Variants in CLPP observed in about 807,000 individuals in gnomAD.
CLPP encodes the protein ATP-dependent Clp protease proteolytic subunit, mitochondrial.
Under a neutral mutation model 27.4 loss-of-function variants are expected in CLPP, and 14 were observed. That is an observed-to-expected ratio of 0.51 (90% CI 0.34 to 0.80). The LOEUF is 0.80. Among genes scored for constraint, CLPP ranks in the 30% least tolerant of loss-of-function variants. CLPP has a pLI of 0.02. For synonymous variants in CLPP, 193 were observed against 166.6 expected, an observed-to-expected ratio of 1.16 and a Z score of -1.22; for missense variants, 361 against 403.6, an observed-to-expected ratio of 0.89 and a Z score of 0.90.
intron 2 of CLPP, 188 bp from the exon 3 acceptor site, chr19:6,362,258 T>C (rs1263849921): frequency 5.3e-6 from 3 of 563,250 alleles, no homozygotes; most frequent in Non-Finnish European, 9.4e-6. Flanking sequence ...CCCCCCTTCC[T>C]GTGCTCCAAA....
At chr19:6,361,802 G>T (rs572563487) in intron 1 of CLPP, 30 bp downstream of exon 1, 31 of 1,572,192 alleles carry the variant, frequency 2.0e-5, no homozygotes, top group Admixed American at 1.9e-4. Context: ...ACACGGTTCG[G>T]GGGCTCCGGG....
At chr19:6,363,105 T>C (rs1443259648) in intron 3 of CLPP, among the ~76,000 whole-genome samples, 4 of 150,666 alleles carry the variant, frequency 2.7e-5, no homozygotes, top group African/African-American at 9.9e-5. Context: ...CAATTTTGAT[T>C]GAGCACTTAT....
intron 4 of CLPP, 121 bp from the exon 5 acceptor site, chr19:6,366,137 A>G: frequency 1.6e-6 from 1 of 645,138 alleles, no homozygotes; most frequent in Non-Finnish European, 2.8e-6. Flanking sequence ...ACCCCAGCCC[A>G]CCAGCCTCAA....
rs150689749 is a variant in CLPP at position 6,362,496 on chromosome 19, A to G, written c.321A>G (p.Gln107=). The change falls in exon 3 of 6, where the codon CAA becomes CAG. Residue 107 remains glutamine, a synonymous_variant. Transcript: ENST00000245816. ...TTATCGCACAGCTCCTCTTCCTGCA[A>G]TCCGAGAGCAACAAGAAGCCCATCC... ...SLVIAQLLFL[Q]SESNKKPIHM... 25 of 1,613,896 alleles carry G rather than the reference A, an allele frequency of 1.5e-5. No homozygotes were observed. The highest frequency in any genetic ancestry group is 1.1e-4 in the African/African-American group (8 of 74,896).
chr19:6,361,940 G>T lies in CLPP; in HGVS notation c.270G>T (p.Pro90=). ...LRERIVCVMG[P]IDDSVASLVI... is the part of the protein sequence containing the mutation. ...AGCGCATCGTGTGCGTCATGGGCCC[G>T]GTGAGCGCCCCGCGCCGGGACCCTC... Residue 90 remains proline, a splice_region_variant and synonymous_variant, in exon 2 of 6, where the codon CCG becomes CCT. Transcript: ENST00000245816. 6.3e-7 allele frequency: 1 copy of T among 1,596,402 alleles called. No homozygotes were observed. Among genetic ancestry groups the T allele is most frequent in the South Asian group, 1.1e-5 (1 of 90,864 alleles).
intron 3 of CLPP, among the ~76,000 whole-genome samples, chr19:6,363,318 T>TGTTTCACCA (rs1021403909): frequency 2.0e-5 from 3 of 151,966 alleles, no homozygotes; most frequent in African/African-American, 7.2e-5. Context: ...GTAGAGATGA[T>TGTTTCACCA]GTTTCACCAT....
chr19:6,364,369 C>T (rs1334335349), intron 3 of CLPP, 83 bp from the exon 4 acceptor site: 4 of 1,336,484 alleles, frequency 3.0e-6, no homozygotes, highest in Non-Finnish European at 4.1e-6. Flanking sequence ...GCATCTGTTC[C>T]ACCCTCCCCA....
intron 5 of CLPP, among the ~76,000 whole-genome samples, chr19:6,367,328 T>G (rs1049891587): frequency 1.3e-5 from 2 of 148,516 alleles, no homozygotes; most frequent in Non-Finnish European, 3.0e-5. Flanking sequence ...TGAGTCGAGA[T>G]TGCACCACTG....
chr19:6,365,702 C>T (rs1324350319), intron 4 of CLPP, among the ~76,000 whole-genome samples: 1 of 151,624 alleles, frequency 6.6e-6, no homozygotes, highest in East Asian at 1.9e-4. Flanking sequence ...TGCCTCTGGT[C>T]CCAGCTACTC....
chr19:6,366,487 G>A lies in CLPP; in HGVS notation c.661+124G>A. Reference sequence around the variant, plus strand: ...GCTGGATCGTTCTCTGGGATGGGGGGACCATCCCAGAGGTCAGCCTGGCCA... The same window carrying A: ...GCTGGATCGTTCTCTGGGATGGGGGAACCATCCCAGAGGTCAGCCTGGCCA... On this transcript the variant is annotated intron_variant, in intron 5 of 5. Transcript: ENST00000245816. 6.2e-6 allele frequency: 4 copies of A among 646,402 alleles called. 1 individual carries two copies. Among genetic ancestry groups the A allele is most frequent in the South Asian group, 5.7e-5 (3 of 52,182 alleles). The allele number at this position is 646,402 out of a possible 1,614,324, so 40.0% of individuals were successfully genotyped here.
rs1310040955 is a variant in CLPP at position 6,364,565 on chromosome 19, G to A, written c.481G>A (p.Ala161Thr). 1.2e-6 allele frequency: 2 copies of A among 1,613,062 alleles called. No individual in the cohort carries two copies. Among genetic ancestry groups the A allele is most frequent in the Non-Finnish European group, 1.7e-6 (2 of 1,179,894 alleles). The change falls in exon 4 of 6, where the codon GCC becomes ACC. Residue 161 changes from alanine (A) to threonine (T), a missense_variant. Coordinates refer to ENST00000245816, the MANE Select transcript of CLPP (RefSeq NM_006012.4). ...CAGCATGGGCTCCCTGCTTCTCGCCGCCGGCACCCCAGGCATGCGCCACTC... is the reference window on the plus strand; with the variant it reads ...CAGCATGGGCTCCCTGCTTCTCGCCACCGGCACCCCAGGCATGCGCCACTC... ...AASMGSLLLA[A>T]GTPGMRHSLP... is the part of the protein sequence containing the mutation.
rs145182380 is a variant in CLPP at position 6,364,273 on chromosome 19, G to T, written c.368-179G>T. Among the ~76,000 whole-genome samples the T allele has an allele frequency of 0.026, 3,999 of 151,976 alleles. 154 individuals are homozygous for T. The highest frequency in any genetic ancestry group is 0.091 in the African/African-American group (3,773 of 41,432). ...TCTTGATTTCCTGACCTTGTGATCC[G>T]CCTGCCTCAGCCTCCCAAAGTGCTG... On this transcript the variant is annotated intron_variant, in intron 3 of 5. Transcript: ENST00000245816.
chr19:6,362,233 C>T (rs1199605554), intron 2 of CLPP: 4 of 604,062 alleles, frequency 6.6e-6, no homozygotes, highest in African/African-American at 3.7e-5. Flanking sequence ...TTCCTGTGTC[C>T]CTAGCCCCCT....
At chr19:6,367,175 G>A (rs1387138866) in intron 5 of CLPP, among the ~76,000 whole-genome samples, 1 of 152,016 alleles carries the variant, frequency 6.6e-6, no homozygotes, top group Non-Finnish European at 1.5e-5. Flanking sequence ...AGGAGTTCAA[G>A]ACCAGCCTGA....
chr19:6,362,116 C>A, intron 2 of CLPP, 176 bp downstream of exon 2: 3 of 624,834 alleles, frequency 4.8e-6, no homozygotes, highest in Non-Finnish European at 8.4e-6. Flanking sequence ...GCTCCTCACC[C>A]CTTCTCTGCT....
At chr19:6,362,115 C>T (rs998469086) in intron 2 of CLPP, 175 bp downstream of exon 2, 3 of 624,540 alleles carry the variant, frequency 4.8e-6, no homozygotes, top group Non-Finnish European at 8.4e-6. Flanking sequence ...CGCTCCTCAC[C>T]CCTTCTCTGC....
Position 6,366,138 on chromosome 19 carries a change from C to T in CLPP, c.556-120C>T, listed in dbSNP as rs2860168. ...GGGGGATTTACACAACCCCAGCCCA[C>T]CAGCCTCAAACCGGAAGCCCAAAGC... is the stretch of plus-strand genomic sequence containing the variant. On this transcript the variant is annotated intron_variant, in intron 4 of 5. Transcript: ENST00000245816. 74,550 of 645,522 alleles carry T rather than the reference C, an allele frequency of 0.12. 7,036 individuals are homozygous for T. The highest frequency in any genetic ancestry group is 0.39 in the East Asian group (14,274 of 36,588). 40.0% of individuals were successfully genotyped at this position (645,522 alleles called of 1,614,324 possible).
rs551822813 is a variant in CLPP, at chr19:6,363,884, C to T, written c.368-568C>T. Among the ~76,000 whole-genome samples the T allele has an allele frequency of 3.0e-4, 43 of 143,142 alleles. No homozygotes were observed. The East Asian group carries it at 6.5e-3, about 22-fold the overall frequency. The allele number at this position is 143,142 out of a possible 152,430, so 93.9% of individuals were successfully genotyped here. On this transcript the variant is annotated intron_variant, in intron 3 of 5. Coordinates refer to ENST00000245816, the MANE Select transcript of CLPP (RefSeq NM_006012.4). Reference sequence around the variant, plus strand: ...CACTCCAGCCTACGTGACAGTGAGACTCAGTCTCAAAAAAAAAAAAATAGC... The same window carrying T: ...CACTCCAGCCTACGTGACAGTGAGATTCAGTCTCAAAAAAAAAAAAATAGC...
chr19:6,366,057 A>G (rs2091860810), intron 4 of CLPP, among the ~76,000 whole-genome samples: 2 of 152,186 alleles, frequency 1.3e-5, no homozygotes, highest in African/African-American at 4.8e-5. Flanking sequence ...AAAATAACAT[A>G]TACTTAATCC....
Sources: allele counts gnomAD v4.1 joint callset (sites outside exome capture counted in the v4.1 genomes callset), GRCh38; gene constraint gnomAD v4.1.1; transcripts MANE v1.5; gene names NCBI Gene and HGNC (gene_info 2026-07-23, HGNC 2026-07-21).